Variants in PPP3CA observed in about 807,000 individuals in gnomAD.
PPP3CA encodes the protein CAM-PRP catalytic subunit.
PPP3CA carries 14 observed loss-of-function variants against 66.5 expected under a neutral mutation model. That is an observed-to-expected ratio of 0.21 (90% CI 0.14 to 0.33). PPP3CA has a LOEUF of 0.33. Among genes scored for constraint, PPP3CA ranks in the 10% least tolerant of loss-of-function variants. The pLI is 1.00. For synonymous variants in PPP3CA, 232 were observed against 226.2 expected (o/e 1.03, Z -0.23); for missense variants, 317 against 639.5 (o/e 0.50, Z 5.44).
intron 1 of PPP3CA, among the ~76,000 whole-genome samples, chr4:101,254,849 G>A (rs1466882033): frequency 6.6e-6 from 1 of 151,698 alleles, no homozygotes; most frequent in East Asian, 1.9e-4. Context: ...AATGACCTTA[G>A]CTTGATTCTC....
In PPP3CA at chr4:101,347,161, G is replaced by A. The variant is rs956235284; in HGVS notation, c.-365C>T. 4.2e-5 allele frequency: 17 copies of A among 404,840 alleles called. No homozygotes were observed. Among genetic ancestry groups the A allele is most frequent in the African/African-American group, 3.1e-4 (14 of 45,430 alleles). 25.1% of individuals were successfully genotyped at this position (404,840 alleles called of 1,614,324 possible). A position where few individuals can be genotyped will look rare whatever the true frequency, so the allele number is the denominator to read the frequency against. ...ACACACGAGCACCCACCCCGGCACGGAGACCCAGCACCGCGGAATGGAGCC... is the reference window on the plus strand; with the variant it reads ...ACACACGAGCACCCACCCCGGCACGAAGACCCAGCACCGCGGAATGGAGCC... On this transcript the variant is annotated 5_prime_UTR_variant, in exon 1 of 14. Coordinates refer to ENST00000394854, the MANE Select transcript of PPP3CA (RefSeq NM_000944.5).
At chr4:101,150,542 T>C (rs1413010760) in intron 2 of PPP3CA, among the ~76,000 whole-genome samples, 2 of 152,216 alleles carry the variant, frequency 1.3e-5, no homozygotes, top group Non-Finnish European at 2.9e-5. Flanking sequence ...AGCCACTTTA[T>C]GTAATGATTG....
At chr4:101,247,031 G>C (rs1189208935) in intron 1 of PPP3CA, among the ~76,000 whole-genome samples, 6 of 152,060 alleles carry the variant, frequency 3.9e-5, no homozygotes, top group Admixed American at 3.9e-4. Flanking sequence ...AATATAATTA[G>C]TTTGCATTCA....
At chr4:101,217,354 T>G (rs1725490032) in intron 1 of PPP3CA, among the ~76,000 whole-genome samples, 1 of 152,160 alleles carries the variant, frequency 6.6e-6, no homozygotes, top group Non-Finnish European at 1.5e-5. Context: ...TATATTTGGT[T>G]TCAACTGTTC....
At chr4:101,257,956 C>A (rs1009116279) in intron 1 of PPP3CA, among the ~76,000 whole-genome samples, 1 of 151,982 alleles carries the variant, frequency 6.6e-6, no homozygotes, top group Non-Finnish European at 1.5e-5. Context: ...AACATTATGT[C>A]CTACTTGTCC....
chr4:101,114,403 A>G (rs1324137057), intron 2 of PPP3CA, among the ~76,000 whole-genome samples: 1 of 152,144 alleles, frequency 6.6e-6, no homozygotes, highest in Non-Finnish European at 1.5e-5. Flanking sequence ...TGTGAGAAAT[A>G]ACCTGTCATT....
intron 1 of PPP3CA, among the ~76,000 whole-genome samples, chr4:101,212,532 T>C (rs1287698171): frequency 6.6e-6 from 1 of 152,052 alleles, no homozygotes; most frequent in African/African-American, 2.4e-5. Flanking sequence ...ACCTAGGTGA[T>C]GGGATGATCT....
intron 11 of PPP3CA, 81 bp from the exon 12 acceptor site, chr4:101,032,445 G>T: frequency 8.7e-7 from 1 of 1,151,452 alleles, no homozygotes; most frequent in Non-Finnish European, 1.3e-6. Flanking sequence ...GAAAAAAAAT[G>T]CATATAAGCA....
intron 1 of PPP3CA, among the ~76,000 whole-genome samples, chr4:101,202,379 AG>A (rs1724994666): frequency 6.6e-6 from 1 of 152,178 alleles, no homozygotes; most frequent in East Asian, 1.9e-4. Flanking sequence ...AGTACTAAGG[AG>A]TTTTCACTGA....
chr4:101,075,938 C>A (rs983913576), intron 8 of PPP3CA, among the ~76,000 whole-genome samples: 1 of 151,964 alleles, frequency 6.6e-6, no homozygotes, highest in Non-Finnish European at 1.5e-5. Context: ...CATTTATATC[C>A]CCAACACCTA....
rs189769568 is a variant in PPP3CA at position 101,142,368 on chromosome 4, A to T, written c.260-33290T>A. On this transcript the variant is annotated intron_variant, in intron 2 of 13. Coordinates refer to ENST00000394854, the MANE Select transcript of PPP3CA (RefSeq NM_000944.5). ...AATCAGAAAAGATAAGAAAATCGTG[A>T]TATCGGCAGAGTAGTGGAGACAGTG... is the stretch of plus-strand genomic sequence containing the variant. Among the ~76,000 whole-genome samples the T allele has an allele frequency of 3.9e-5, 6 of 152,328 alleles. No individual in the cohort carries two copies. In the East Asian group the frequency reaches 1.2e-3, roughly 29 times the overall value.
chr4:101,301,783 G>A (rs1029033636), intron 1 of PPP3CA, among the ~76,000 whole-genome samples: 14 of 148,638 alleles, frequency 9.4e-5, no homozygotes, highest in East Asian at 5.9e-4. Flanking sequence ...GAACCACCGC[G>A]TCCAGCTTTT....
chr4:101,042,193 T>TGC (rs369615082), intron 10 of PPP3CA, among the ~76,000 whole-genome samples: 2 of 149,652 alleles, frequency 1.3e-5, no homozygotes, highest in African/African-American at 4.9e-5. Flanking sequence ...TTTTTTTTTT[T>TGC]GCCCTCCACT....
intron 1 of PPP3CA, among the ~76,000 whole-genome samples, chr4:101,226,893 A>C (rs1307375788): frequency 6.6e-6 from 1 of 151,740 alleles, no homozygotes; most frequent in African/African-American, 2.4e-5. Flanking sequence ...GAGAAAAGAG[A>C]ACAGATTTAC....
At chr4:101,260,044 G>A (rs1400640614) in intron 1 of PPP3CA, among the ~76,000 whole-genome samples, 2 of 152,102 alleles carry the variant, frequency 1.3e-5, no homozygotes, top group Non-Finnish European at 2.9e-5. Flanking sequence ...TTTTAGCAAG[G>A]TGACCAGTTT....
intron 2 of PPP3CA, among the ~76,000 whole-genome samples, chr4:101,116,654 C>G (rs1240041890): frequency 6.6e-6 from 1 of 151,788 alleles, no homozygotes; most frequent in Non-Finnish European, 1.5e-5. Context: ...CAGACAATTA[C>G]TCAGATAAAG....
chr4:101,252,892 A>C (rs1191508193), intron 1 of PPP3CA, among the ~76,000 whole-genome samples: 1 of 152,102 alleles, frequency 6.6e-6, no homozygotes. Context: ...TTTGGGGTAA[A>C]GTGAAACAGT....
At chr4:101,068,474 G>GT (rs33995920) in intron 8 of PPP3CA, among the ~76,000 whole-genome samples, 18,741 of 151,952 alleles carry the variant, frequency 0.12, 2,105 homozygotes, top group African/African-American at 0.3. Flanking sequence ...GCATGCAGGG[G>GT]TTTTTTTAAA....
At chr4:101,171,522 T>C (rs985081978) in intron 2 of PPP3CA, among the ~76,000 whole-genome samples, 2 of 152,152 alleles carry the variant, frequency 1.3e-5, no homozygotes, top group African/African-American at 2.4e-5. Context: ...TGTTTCCCAA[T>C]GTTCCTTCTT....
Sources: gnomAD v4.1 joint callset for allele counts (sites outside exome capture counted in the v4.1 genomes callset) on GRCh38, gnomAD v4.1.1 for gene constraint, MANE v1.5 for transcripts, NCBI Gene and HGNC (gene_info 2026-07-23, HGNC 2026-07-21) for gene names.